Variants in SPSB1 observed in about 807,000 individuals in gnomAD.
SPSB1 encodes the protein SPRY domain-containing SOCS box protein 1.
A neutral mutation model predicts 21.2 loss-of-function variants in SPSB1; 8 were observed. The ratio of observed to expected loss-of-function variants is 0.38; its 90% CI spans 0.22 to 0.68. The LOEUF is 0.68. Ranked by LOEUF, SPSB1 falls within the 30% of genes least tolerant of loss-of-function variation. The probability of loss-of-function intolerance (pLI) is 0.53; values close to 1 mark genes in which losing one functional copy is unlikely to be tolerated. For synonymous variants in SPSB1, 169 were observed against 161.7 expected, an observed-to-expected ratio of 1.05 and a Z score of -0.34; for missense variants, 242 against 377.8, an observed-to-expected ratio of 0.64 and a Z score of 2.98.
chr1:9,307,079 C>T (rs1276798826), intron 1 of SPSB1, among the ~76,000 whole-genome samples: 1 of 152,006 alleles, frequency 6.6e-6, no homozygotes. Flanking sequence ...AGGCACGTGC[C>T]ACCACGCCTG....
rs140378808 is a variant in SPSB1, at chr1:9,324,034, G to A, written c.-150+30963G>A. 3.9e-3 allele frequency among the ~76,000 whole-genome samples: 588 copies of A among 152,310 alleles called. 5 individuals are homozygous for A. Among genetic ancestry groups the A allele is most frequent in the African/African-American group, 0.013 (540 of 41,574 alleles). On this transcript the variant is annotated intron_variant, in intron 1 of 2. Transcript: ENST00000328089. The surrounding 1 kb of genome is among the most constrained non-coding windows in gnomAD (Gnocchi z 4.3). Reference sequence around the variant, plus strand: ...GTCCTTGATGGCCCAAACTCGGGCCGCAGAACCCCTCCTCAGGCCAGCCTG... The same window carrying A: ...GTCCTTGATGGCCCAAACTCGGGCCACAGAACCCCTCCTCAGGCCAGCCTG...
At chr1:9,339,201 G>A in intron 1 of SPSB1, 1 of 985,364 alleles carries the variant, frequency 1.0e-6, no homozygotes. Flanking sequence ...GAGGACCTGT[G>A]GGGCTTTTCT....
In SPSB1 at chr1:9,338,947, C is replaced by T. The variant is rs548318957; in HGVS notation, c.-149-16796C>T. Among the ~76,000 whole-genome samples, 6 of 152,334 alleles carry T rather than the reference C, an allele frequency of 3.9e-5. No homozygotes were observed. The South Asian group carries it at 8.3e-4, about 21-fold the overall frequency. On this transcript the variant is annotated intron_variant, in intron 1 of 2. Transcript: ENST00000328089. ...TCTGGAGGACTCTGGAAAACCCGGCCGATTACCTTGTAATTGTTCCCAGCA... is the reference window on the plus strand; with the variant it reads ...TCTGGAGGACTCTGGAAAACCCGGCTGATTACCTTGTAATTGTTCCCAGCA...
intron 1 of SPSB1, among the ~76,000 whole-genome samples, chr1:9,299,312 C>T (rs903864923): frequency 6.6e-6 from 1 of 152,198 alleles, no homozygotes; most frequent in Non-Finnish European, 1.5e-5. Flanking sequence ...CAGTTTAGTT[C>T]ACAGTCATCT....
At chr1:9,294,090 GTC>G in intron 1 of SPSB1, among the ~76,000 whole-genome samples, 1 of 117,212 alleles carries the variant, frequency 8.5e-6, no homozygotes, top group Non-Finnish European at 1.8e-5. Flanking sequence ...CTCTGTGTAT[GTC>G]TGTGTGTCTT....
intron 1 of SPSB1, among the ~76,000 whole-genome samples, chr1:9,319,034 C>T (rs760897889): frequency 1.3e-5 from 2 of 151,990 alleles, no homozygotes; most frequent in East Asian, 3.9e-4. Context: ...AAAAATTAGC[C>T]GGGCATGGTG....
chr1:9,359,989 C>T (rs1005281771), intron 2 of SPSB1, among the ~76,000 whole-genome samples: 14 of 152,068 alleles, frequency 9.2e-5, no homozygotes, highest in African/African-American at 2.9e-4. Context: ...GCTGCTGACC[C>T]GAGATGGGAA....
Position 9,305,831 on chromosome 1 carries a change from G to A in SPSB1, c.-150+12760G>A, listed in dbSNP as rs1227944935. ...AGGAAGCTTTCTCTGTCTAGTGGGT[G>A]AGACAGGCCCGTCTCTGCTGATGAT... On this transcript the variant is annotated intron_variant, in intron 1 of 2. Coordinates refer to ENST00000328089, the MANE Select transcript of SPSB1 (RefSeq NM_025106.4). The surrounding 1 kb of genome is among the most constrained non-coding windows in gnomAD (Gnocchi z 4.8). 6.6e-6 allele frequency among the ~76,000 whole-genome samples: 1 copy of A among 152,184 alleles called. No homozygotes were observed. The highest frequency in any genetic ancestry group is 1.5e-5 in the Non-Finnish European group (1 of 68,038).
intron 1 of SPSB1, among the ~76,000 whole-genome samples, chr1:9,295,787 T>TA (rs1279865243): frequency 1.3e-5 from 2 of 152,204 alleles, no homozygotes; most frequent in Non-Finnish European, 1.5e-5. Context: ...CTCTGATTCT[T>TA]ACGGTGTTCA....
At chr1:9,311,579 A>G (rs1027986478) in intron 1 of SPSB1, among the ~76,000 whole-genome samples, 1 of 152,154 alleles carries the variant, frequency 6.6e-6, no homozygotes, top group Non-Finnish European at 1.5e-5. Flanking sequence ...ACTTGAACCA[A>G]CGCTTGAGCC....
rs570278797 is a variant in SPSB1, at chr1:9,321,218, G to A, written c.-150+28147G>A. Among the ~76,000 whole-genome samples the A allele has an allele frequency of 3.4e-4, 52 of 152,122 alleles. No individual in the cohort carries two copies. Among genetic ancestry groups the A allele is most frequent in the Non-Finnish European group, 5.9e-4 (40 of 68,010 alleles). On this transcript the variant is annotated intron_variant, in intron 1 of 2. Transcript: ENST00000328089. This position sits in a 1 kb window ranked among gnomAD's most constrained non-coding sequence, Gnocchi z 4.8. ...TCTGCAGAGGCGTCTCAGGCGGTGGGCCTTAAACATTTACATTCTTGGGGC... is the reference window on the plus strand; with the variant it reads ...TCTGCAGAGGCGTCTCAGGCGGTGGACCTTAAACATTTACATTCTTGGGGC...
chr1:9,354,959 T>C (rs1241895745), intron 1 of SPSB1, among the ~76,000 whole-genome samples: 1 of 152,092 alleles, frequency 6.6e-6, no homozygotes, highest in Non-Finnish European at 1.5e-5. Flanking sequence ...CATCGGACTT[T>C]CCTCCCCAGA....
At chr1:9,313,034 T>G (rs1453832186) in intron 1 of SPSB1, among the ~76,000 whole-genome samples, 1 of 152,202 alleles carries the variant, frequency 6.6e-6, no homozygotes, top group Non-Finnish European at 1.5e-5. Context: ...ACACATTAAC[T>G]TACTGACTGC....
At chr1:9,362,385 G>A (rs1221656802) in intron 2 of SPSB1, among the ~76,000 whole-genome samples, 1 of 152,262 alleles carries the variant, frequency 6.6e-6, no homozygotes, top group Non-Finnish European at 1.5e-5. Context: ...TCCACGTTGT[G>A]TTTGGCTGTG....
chr1:9,299,669 G>A (rs188577560), intron 1 of SPSB1, among the ~76,000 whole-genome samples: 156 of 152,222 alleles, frequency 1.0e-3, no homozygotes, highest in African/African-American at 3.6e-3. Context: ...AGTAGAGACA[G>A]GGTTTCACTA....
chr1:9,308,232 T>C (rs1440190223), intron 1 of SPSB1, among the ~76,000 whole-genome samples: 2 of 152,192 alleles, frequency 1.3e-5, no homozygotes, highest in Admixed American at 6.5e-5. Flanking sequence ...GCCAGTGCTG[T>C]TGGGGCAGTG....
intron 1 of SPSB1, among the ~76,000 whole-genome samples, chr1:9,347,813 T>G (rs1640188103): frequency 1.3e-5 from 2 of 152,264 alleles, no homozygotes; most frequent in East Asian, 3.9e-4. Flanking sequence ...GTTTTGCACA[T>G]GGACAGGGAC....
chr1:9,323,941 C>T (rs1639769012), intron 1 of SPSB1, among the ~76,000 whole-genome samples: 1 of 152,172 alleles, frequency 6.6e-6, no homozygotes, highest in Admixed American at 6.6e-5. Context: ...GGGTCTTTTC[C>T]TGCAGGAAGG....
Position 9,335,560 on chromosome 1 carries a change from G to A in SPSB1, c.-149-20183G>A, listed in dbSNP as rs370902009. ...GCAGTGGCTCACGCCTGTAATCCCA[G>A]CACTTCGGGATTCCAAGGTGGGAGG... On this transcript the variant is annotated intron_variant, in intron 1 of 2. Coordinates refer to ENST00000328089, the MANE Select transcript of SPSB1 (RefSeq NM_025106.4). Among the ~76,000 whole-genome samples the A allele has an allele frequency of 8.6e-5, 13 of 151,860 alleles. 1 individual carries two copies. The East Asian group carries it at 9.7e-4, about 11-fold the overall frequency.
Sources: allele counts gnomAD v4.1 joint callset (sites outside exome capture counted in the v4.1 genomes callset), GRCh38; gene constraint gnomAD v4.1.1; non-coding constraint Gnocchi (gnomAD v3.1); transcripts MANE v1.5; gene names NCBI Gene and HGNC (gene_info 2026-07-23, HGNC 2026-07-21).